PACRG: variants seen among roughly 807,000 people sequenced by gnomAD.
PACRG encodes the protein parkin coregulated gene protein.
A neutral mutation model predicts 29.7 loss-of-function variants in PACRG; 29 were observed. The ratio of observed to expected loss-of-function variants is 0.98; its 90% confidence interval spans 0.73 to 1.33. The LOEUF (loss-of-function observed/expected upper bound fraction) is 1.33, where lower values mean the gene tolerates loss of function less well. PACRG is among the 40% of genes most tolerant of loss of function. PACRG has a pLI of 0.00. For missense variants in PACRG, 279 were observed against 316.2 expected (o/e 0.88, Z 0.89); for synonymous variants, 116 against 118.7 (o/e 0.98, Z 0.15).
intron 2 of PACRG, among the ~76,000 whole-genome samples, chr6:162,849,984 C>G (rs1022822475): frequency 4.6e-5 from 7 of 152,156 alleles, no homozygotes; most frequent in African/African-American, 1.7e-4. Context: ...AATGCTGTTT[C>G]TAAGGTCATG....
At chr6:163,059,615 G>T (rs1810925436) in intron 2 of PACRG, among the ~76,000 whole-genome samples, 1 of 152,218 alleles carries the variant, frequency 6.6e-6, no homozygotes, top group Admixed American at 6.5e-5. Context: ...CTGAGAGGCA[G>T]TGCCGTGTCA....
At chr6:163,075,347 T>C (rs1812446716) in intron 3 of PACRG, among the ~76,000 whole-genome samples, 1 of 152,188 alleles carries the variant, frequency 6.6e-6, no homozygotes, top group South Asian at 2.1e-4. Context: ...TAATTGTCAT[T>C]TTGTACAAAT....
chr6:163,075,831 A>G (rs139676774), intron 3 of PACRG, among the ~76,000 whole-genome samples: 133 of 152,330 alleles, frequency 8.7e-4, no homozygotes, highest in Non-Finnish European at 2.5e-4. Flanking sequence ...AAAACAATAC[A>G]TTACTTAAAA....
At chr6:162,788,768 G>A (rs1451677384) in intron 1 of PACRG, among the ~76,000 whole-genome samples, 2 of 152,150 alleles carry the variant, frequency 1.3e-5, no homozygotes, top group Non-Finnish European at 2.9e-5. Flanking sequence ...ATAATGCGGA[G>A]CATCTTTTTG....
At chr6:162,783,193 T>TATAG (rs1784219901) in intron 1 of PACRG, among the ~76,000 whole-genome samples, 1 of 151,966 alleles carries the variant, frequency 6.6e-6, no homozygotes, top group Non-Finnish European at 1.5e-5. Context: ...GCTTAGAAAC[T>TATAG]ATAGGTAAAT....
chr6:163,230,820 CATTCA>C (rs1368344016), intron 4 of PACRG, among the ~76,000 whole-genome samples: 3 of 69,108 alleles, frequency 4.3e-5, no homozygotes, highest in Non-Finnish European at 9.1e-5. Context: ...GAGCCTCCAA[CATTCA>C]GAAAAGACTT....
At chr6:162,950,523 A>T (rs9356082) in intron 2 of PACRG, among the ~76,000 whole-genome samples, 2,370 of 17,512 alleles carry the variant, frequency 0.14, 62 homozygotes, top group African/African-American at 0.17. Flanking sequence ...ATAAATAAAT[A>T]AATTAATTAA....
chr6:162,796,088 G>C (rs1378447570), intron 1 of PACRG, among the ~76,000 whole-genome samples: 1 of 152,026 alleles, frequency 6.6e-6, no homozygotes, highest in Non-Finnish European at 1.5e-5. Context: ...GTACTGGCTA[G>C]TGCCTCCAAT....
chr6:162,727,207 G>C (rs929441398), upstream of PACRG: 1 of 162,840 alleles, frequency 6.1e-6, no homozygotes, highest in Non-Finnish European at 1.3e-5. Context: ...ATGCTTTGCT[G>C]CGGTTTCCTG....
intron 1 of PACRG, among the ~76,000 whole-genome samples, chr6:162,791,502 GA>G (rs1009695641): frequency 2.3e-4 from 35 of 152,130 alleles, no homozygotes; most frequent in African/African-American, 8.2e-4. Context: ...TAGATTGCCT[GA>G]TCCTTCTAAA....
chr6:163,023,410 C>T (rs1806829026), intron 2 of PACRG, among the ~76,000 whole-genome samples: 1 of 152,306 alleles, frequency 6.6e-6, no homozygotes, highest in South Asian at 2.1e-4. Context: ...TGATTTCATT[C>T]TTCATTATAG....
At chr6:163,076,105 C>T (rs1812515507) in intron 3 of PACRG, among the ~76,000 whole-genome samples, 1 of 152,202 alleles carries the variant, frequency 6.6e-6, no homozygotes, top group Non-Finnish European at 1.5e-5. Context: ...ATACATTTTA[C>T]AGCCCCTGGA....
intron 2 of PACRG, among the ~76,000 whole-genome samples, chr6:163,009,255 C>G (rs2128208739): frequency 6.6e-6 from 1 of 152,278 alleles, no homozygotes; most frequent in African/African-American, 2.4e-5. Context: ...ATTGAGATTT[C>G]ATGTGACCAT....
At chr6:162,893,458 A>T (rs1794937680) in intron 2 of PACRG, among the ~76,000 whole-genome samples, 1 of 152,088 alleles carries the variant, frequency 6.6e-6, no homozygotes, top group Non-Finnish European at 1.5e-5. Flanking sequence ...CATTGTAGTG[A>T]TTGTCAAAGT....
intron 4 of PACRG, among the ~76,000 whole-genome samples, chr6:163,283,358 C>T (rs1055598603): frequency 6.6e-6 from 1 of 152,164 alleles, no homozygotes; most frequent in African/African-American, 2.4e-5. Context: ...AACTTGTAGC[C>T]AGCAATTATA....
chr6:162,900,393 G>C (rs1795476246), intron 2 of PACRG, among the ~76,000 whole-genome samples: 2 of 152,136 alleles, frequency 1.3e-5, no homozygotes, highest in South Asian at 4.1e-4. Context: ...CCTACAAGGA[G>C]ACGTGATAGC....
intron 2 of PACRG, among the ~76,000 whole-genome samples, chr6:162,990,333 AACT>A (rs1215457004): frequency 5.3e-5 from 8 of 151,782 alleles, no homozygotes; most frequent in Non-Finnish European, 1.0e-4. Flanking sequence ...ACAATGGTTG[AACT>A]AGTTTACAAT....
intron 4 of PACRG, among the ~76,000 whole-genome samples, chr6:163,269,827 GAAAGAAAGAAAAAGAAA>G (rs1783678266): frequency 6.2e-5 from 2 of 32,082 alleles, no homozygotes; most frequent in East Asian, 8.3e-4. Context: ...GAAGGAGAAA[GAAAGAAAGAAAAAGAAA>G]GAAAGAAAGA....
intron 4 of PACRG, among the ~76,000 whole-genome samples, chr6:163,212,320 C>T (rs62429969): frequency 0.13 from 20,003 of 151,974 alleles, 1,456 homozygotes; most frequent in African/African-American, 0.18. Flanking sequence ...TGTGAGGGCC[C>T]GGGAGCAGTG....
Sources: gnomAD v4.1 joint callset for allele counts (sites outside exome capture counted in the v4.1 genomes callset) on GRCh38, gnomAD v4.1.1 for gene constraint, MANE v1.5 for transcripts, NCBI Gene and HGNC (gene_info 2026-07-23, HGNC 2026-07-21) for gene names.